The following DNAH1 variants were observed in gnomAD, a reference collection of about 807,000 sequenced individuals.
DNAH1 encodes dynein axonemal heavy chain 1, also known as axonemal beta dynein heavy chain 1.
Under a neutral mutation model 484.3 loss-of-function variants are expected in DNAH1, and 327 were observed. The ratio of observed to expected loss-of-function variants is 0.68; its 90% confidence interval spans 0.62 to 0.74. DNAH1 has a LOEUF of 0.74. Ranked by LOEUF, DNAH1 falls within the 30% of genes least tolerant of loss-of-function variation. DNAH1 has a pLI of 0.00. For synonymous variants in DNAH1, 2,192 were observed against 2,191.9 expected (o/e 1.00, Z 0.00); for missense variants, 5,052 against 5,546.8 (o/e 0.91, Z 2.83).
intron 60 of DNAH1, among the ~76,000 whole-genome samples, chr3:52,390,077 C>T (rs569765605): frequency 1.0e-3 from 152 of 151,738 alleles, no homozygotes; most frequent in African/African-American, 3.2e-3. Context: ...GCAGAGATTG[C>T]GCCACTGCAC....
intron 8 of DNAH1, among the ~76,000 whole-genome samples, chr3:52,335,015 T>C (rs534279298): frequency 5.3e-5 from 8 of 152,148 alleles, no homozygotes; most frequent in African/African-American, 1.7e-4. Flanking sequence ...TTCGCCAGGA[T>C]GGTCTCGATC....
intron 20 of DNAH1, among the ~76,000 whole-genome samples, chr3:52,354,259 A>G (rs1702515047): frequency 6.6e-6 from 1 of 152,252 alleles, no homozygotes; most frequent in Non-Finnish European, 1.5e-5. Context: ...AGTAAATGCC[A>G]GAGGTGAGAC....
chr3:52,347,826 C>T lies in DNAH1; in HGVS notation c.1958C>T (p.Pro653Leu), dbSNP rs1474195357. ...AGTCAGCTCGCCATTGCCTGCAGGCCCCGGAAGAATCCCCTGTTCATCATG... is the reference window on the plus strand; with the variant it reads ...AGTCAGCTCGCCATTGCCTGCAGGCTCCGGAAGAATCCCCTGTTCATCATG... ...GDDLINSPYR[P>L]RKNPLFIMDL... is the part of the protein sequence containing the mutation. Residue 653 changes from proline (P) to leucine (L), a missense_variant and splice_region_variant, in exon 12 of 78, where the codon CCC (proline) becomes CTC (leucine). Pro to Leu is a moderately conservative substitution (Grantham distance 98, BLOSUM62 -3). Coordinates refer to ENST00000420323, the MANE Select transcript of DNAH1 (RefSeq NM_015512.5). 5.7e-6 allele frequency: 9 copies of T among 1,585,344 alleles called. No homozygotes were observed. The Admixed American group carries it at 1.4e-4, about 25-fold the overall frequency.
At chr3:52,393,119 C>T (rs1704469801) in intron 65 of DNAH1, 94 bp downstream of exon 65, 1 of 1,469,468 alleles carries the variant, frequency 6.8e-7, no homozygotes, top group African/African-American at 1.4e-5. Flanking sequence ...CAACTGTGTT[C>T]ACTGGCGTAC....
chr3:52,370,707 G>T lies in DNAH1; in HGVS notation c.6418-11G>T. 1 of 1,597,898 alleles carries T rather than the reference G, an allele frequency of 6.3e-7. No homozygotes were observed. The highest frequency in any genetic ancestry group is 8.5e-7 in the Non-Finnish European group (1 of 1,172,548). ...GCCTCACAGCCTGCTTCTCCTCCTGGTTCCCGGCAGCTGACTCTGCTTTTC... is the reference window on the plus strand; with the variant it reads ...GCCTCACAGCCTGCTTCTCCTCCTGTTTCCCGGCAGCTGACTCTGCTTTTC... On this transcript the variant is annotated splice_polypyrimidine_tract_variant and intron_variant, in intron 40 of 77. Transcript: ENST00000420323.
intron 59 of DNAH1, 147 bp downstream of exon 59, chr3:52,389,084 T>G: frequency 9.1e-6 from 10 of 1,093,004 alleles, no homozygotes; most frequent in Non-Finnish European, 1.1e-5. Flanking sequence ...GCTCCCTCTC[T>G]GAGCCAGGCG....
At position 52,384,039 on chromosome 3, in the gene DNAH1, T is replaced by G. The variant is rs1001488736; in HGVS notation, c.8322+8T>G. 2 of 1,592,766 alleles carry G rather than the reference T, an allele frequency of 1.3e-6. No homozygotes were observed. Among genetic ancestry groups the G allele is most frequent in the Non-Finnish European group, 1.7e-6 (2 of 1,167,840 alleles). ...GAAGAAATCCAAGGACTGGTGGGTG[T>G]CTTGCTGAAGCTCAGGCCCTTGGGG... On this transcript the variant is annotated splice_region_variant and intron_variant, in intron 52 of 77. Transcript: ENST00000420323.
rs560261858 is a variant in DNAH1 at position 52,355,869 on chromosome 3, C to T, written c.3694-745C>T. 1.6e-4 allele frequency among the ~76,000 whole-genome samples: 25 copies of T among 152,378 alleles called. No individual in the cohort carries two copies. The highest frequency in any genetic ancestry group is 2.4e-4 in the African/African-American group (10 of 41,594). On this transcript the variant is annotated intron_variant, in intron 21 of 77. Coordinates refer to ENST00000420323, the MANE Select transcript of DNAH1 (RefSeq NM_015512.5). This position sits in a 1 kb window ranked among gnomAD's most constrained non-coding sequence, Gnocchi z 4.5. ...AAGGGGTTCCCACCGAGGCCATTGT[C>T]GGTGCCTCTTTCAGAGTCCACTACA...
chr3:52,361,871 G>A lies in DNAH1; in HGVS notation c.4980+105G>A. Reference sequence around the variant, plus strand: ...AGCCAGGCGCTAAGGTCCACCCTGGGTCCAGCCTCTCTTGTCCCGGGGGCA... The same window carrying A: ...AGCCAGGCGCTAAGGTCCACCCTGGATCCAGCCTCTCTTGTCCCGGGGGCA... On this transcript the variant is annotated intron_variant, in intron 30 of 77. Coordinates refer to ENST00000420323, the MANE Select transcript of DNAH1 (RefSeq NM_015512.5). This position sits in a 1 kb window ranked among gnomAD's most constrained non-coding sequence, Gnocchi z 5.6. 1 of 1,238,256 alleles carries A rather than the reference G, an allele frequency of 8.1e-7. No individual in the cohort carries two copies. Among genetic ancestry groups the A allele is most frequent in the Middle Eastern group, 2.0e-4 (1 of 5,074 alleles). 76.7% of individuals were successfully genotyped at this position (1,238,256 alleles called of 1,614,324 possible).
chr3:52,344,988 A>G (rs1049928945), intron 9 of DNAH1, among the ~76,000 whole-genome samples: 34 of 152,196 alleles, frequency 2.2e-4, no homozygotes, highest in African/African-American at 7.5e-4. Flanking sequence ...GCAAGAGAGG[A>G]GACCGAGTCT....
chr3:52,368,918 G>A lies in DNAH1; in HGVS notation c.5943G>A (p.Glu1981=). 6.2e-7 allele frequency: 1 copy of A among 1,612,420 alleles called. No homozygotes were observed. Among genetic ancestry groups the A allele is most frequent in the South Asian group, 1.1e-5 (1 of 91,054 alleles). ...CTGGGGAGATCATCAAGCTCACAGA[G>A]GTGCACCTACCTGTCCACCTGCCCA... ...LSSGEIIKLT[E]AMTMMFEVQD... Residue 1981 remains glutamate, a splice_region_variant and synonymous_variant, in exon 37 of 78, where the codon GAG becomes GAA. Transcript: ENST00000420323. This position sits in a 1 kb window ranked among gnomAD's most constrained non-coding sequence, Gnocchi z 4.4.
intron 46 of DNAH1, among the ~76,000 whole-genome samples, chr3:52,377,610 C>T (rs1703658926): frequency 6.6e-6 from 1 of 152,168 alleles, no homozygotes; most frequent in South Asian, 2.1e-4. Flanking sequence ...CCTCTGATCT[C>T]ACCGCCTCCT....
In DNAH1 at chr3:52,352,611, C is replaced by T. The variant is rs377200347; in HGVS notation, c.2931C>T (p.Asn977=). The change falls in exon 18 of 78, where the codon AAC becomes AAT. Residue 977 remains asparagine (N), a synonymous_variant. Coordinates refer to ENST00000420323, the MANE Select transcript of DNAH1 (RefSeq NM_015512.5). ...VEISRAHEIA[N]EVRRVKKQLK... Reference sequence around the variant, plus strand: ...TTTCACGTGCACACGAGATCGCCAACGAGGTGCGGCGTGTCAAGAAGCAGC... The same window carrying T: ...TTTCACGTGCACACGAGATCGCCAATGAGGTGCGGCGTGTCAAGAAGCAGC... 9.9e-6 allele frequency: 16 copies of T among 1,612,730 alleles called. No individual in the cohort carries two copies. The highest frequency in any genetic ancestry group is 4.5e-5 in the East Asian group (2 of 44,874).
chr3:52,371,431 C>CGGGGG (rs1559542475), intron 41 of DNAH1, among the ~76,000 whole-genome samples: 1 of 152,234 alleles, frequency 6.6e-6, no homozygotes, highest in Non-Finnish European at 1.5e-5. Context: ...GTGATCCCCC[C>CGGGGG]ATCAGGGGAC....
rs1703570860 is a variant in DNAH1 at position 52,375,872 on chromosome 3, TC to T, written c.7160-78del. 19 of 1,503,034 alleles carry T rather than the reference TC, an allele frequency of 1.3e-5. No individual in the cohort carries two copies. In the South Asian group the frequency reaches 2.1e-4, roughly 17 times the overall value. The allele number at this position is 1,503,034 out of a possible 1,614,324, so 93.1% of individuals were successfully genotyped here. A position where few individuals can be genotyped will look rare whatever the true frequency, so the allele number is the denominator to read the frequency against. On this transcript the variant is annotated intron_variant, in intron 45 of 77. Transcript: ENST00000420323. ...GAAAAGCTTACCCCAAGATGCTGTT[TC>T]CCCCACCATCTCACCTGGCCAGGGT...
In DNAH1 at chr3:52,349,221, C is replaced by T. The variant is rs748078448; in HGVS notation, c.2327C>T (p.Ala776Val). ...LKTYQTQGLLAQEVREVVLTH... is the reference protein window; with the variant it reads ...LKTYQTQGLLVQEVREVVLTH... ...ACCTACCAGACGCAGGGCCTGTTGG[C>T]CCAGGAGGTGCGGGAGGTAGTGCTC... is the stretch of plus-strand genomic sequence containing the variant. Residue 776 changes from alanine (A) to valine (V), a missense_variant, in exon 14 of 78, where the codon GCC (alanine) becomes GTC (valine). By Grantham distance (64) the Ala-to-Val change is moderately conservative. Transcript: ENST00000420323. The T allele has an allele frequency of 1.2e-6, 2 of 1,613,668 alleles. No homozygotes were observed. The highest frequency in any genetic ancestry group is 1.1e-5 in the South Asian group (1 of 91,052).
intron 14 of DNAH1, 36 bp downstream of exon 14, chr3:52,349,456 C>T: frequency 6.4e-7 from 1 of 1,571,850 alleles, no homozygotes; most frequent in Non-Finnish European, 8.7e-7. Context: ...GTGACCACAG[C>T]AGCACACACC....
At position 52,396,510 on chromosome 3, in the gene DNAH1, G is replaced by A. The variant is rs12163565; in HGVS notation, c.11402G>A (p.Gly3801Asp). The change falls in exon 71 of 78, where the codon GGT becomes GAT. Residue 3801 changes from glycine (G) to aspartate (D), a missense_variant. Transcript: ENST00000420323. ...ANLLKSYSSL[G>D]EDFLNSCHKV... is the part of the protein sequence containing the mutation. ...CTGCTGAAGTCCTATAGTAGCCTTGGTGAAGACTTCCTCAACTCCTGCCAC... is the reference window on the plus strand; with the variant it reads ...CTGCTGAAGTCCTATAGTAGCCTTGATGAAGACTTCCTCAACTCCTGCCAC... 317,853 of 1,610,062 alleles carry A rather than the reference G, an allele frequency of 0.2. 33,361 individuals are homozygous for A. The highest frequency in any genetic ancestry group is 0.23 in the South Asian group (21,279 of 90,616).
intron 9 of DNAH1, 35 bp downstream of exon 9, chr3:52,344,682 C>T (rs1049556467): frequency 3.4e-5 from 55 of 1,595,490 alleles, no homozygotes; most frequent in Non-Finnish European, 4.4e-5. Flanking sequence ...GCTCCATGGC[C>T]ATCCACCTGG....
Sources: gnomAD v4.1 joint callset for allele counts (sites outside exome capture counted in the v4.1 genomes callset) on GRCh38, gnomAD v4.1.1 for gene constraint, Gnocchi (gnomAD v3.1) non-coding constraint, MANE v1.5 for transcripts, NCBI Gene and HGNC (gene_info 2026-07-23, HGNC 2026-07-21) for gene names.